PLG: variants seen among roughly 807,000 people sequenced by gnomAD.
PLG encodes the protein plasmin.
A neutral mutation model predicts 104.4 loss-of-function variants in PLG; 41 were observed. The ratio of observed to expected loss-of-function variants is 0.39; its 90% CI spans 0.31 to 0.51. The LOEUF is 0.51. Ranked by LOEUF, PLG falls within the 20% of genes least tolerant of loss-of-function variation. PLG has a pLI of 0.76. For synonymous variants in PLG, 337 were observed against 357.1 expected (o/e 0.94, Z 0.63); for missense variants, 891 against 1,003.6 (o/e 0.89, Z 1.52).
At chr6:160,751,595 A>G (rs189716086) in intron 17 of PLG, among the ~76,000 whole-genome samples, 3 of 152,340 alleles carry the variant, frequency 2.0e-5, no homozygotes, top group East Asian at 1.9e-4. Context: ...AACCATCATC[A>G]TATTTCCAGA....
In PLG at chr6:160,714,825, T is replaced by C. The variant is rs1777703277; in HGVS notation, c.579T>C (p.Tyr193=). Residue 193 remains tyrosine (Y), a synonymous_variant, in exon 6 of 19, where the codon TAT becomes TAC. Transcript: ENST00000308192. ...GTATGCATTGCAGTGGAGAAAACTA[T>C]GACGGCAAAATTTCCAAGACCATGT... ...EECMHCSGEN[Y]DGKISKTMSG... is the part of the protein sequence containing the mutation. 6 of 1,613,876 alleles carry C rather than the reference T, an allele frequency of 3.7e-6. No homozygotes were observed. Among genetic ancestry groups the C allele is most frequent in the South Asian group, 2.2e-5 (2 of 91,070 alleles).
rs142086839 is a variant in PLG at position 160,722,435 on chromosome 6, A to G, written c.1124A>G (p.Gln375Arg). ...TAPPELTPVVQDCYHGDGQSY... is the reference protein window; with the variant it reads ...TAPPELTPVVRDCYHGDGQSY... ...CCACCTGAGCTAACCCCTGTGGTCC[A>G]GGACTGCTACCATGGTGATGGACAG... Residue 375 changes from glutamine to arginine, a missense_variant, in exon 10 of 19, where the codon CAG becomes CGG. This residue lies in a region of PLG where 854 missense variants were observed against 932.1 expected (regional missense o/e 0.92). Transcript: ENST00000308192. 12 of 1,612,876 alleles carry G rather than the reference A, an allele frequency of 7.4e-6. No individual in the cohort carries two copies. In the African/African-American group the frequency reaches 1.6e-4, roughly 22 times the overall value.
intron 7 of PLG, 71 bp from the exon 8 acceptor site, chr6:160,718,223 C>CT (rs1777773619): frequency 7.3e-7 from 1 of 1,368,080 alleles, no homozygotes; most frequent in Non-Finnish European, 1.0e-6. Flanking sequence ...CTGACTCCAG[C>CT]CTGGGCGACA....
intron 10 of PLG, among the ~76,000 whole-genome samples, chr6:160,727,275 G>A (rs1173749808): frequency 1.3e-5 from 2 of 149,514 alleles, no homozygotes; most frequent in East Asian, 1.9e-4. Context: ...AAGACAACAT[G>A]TGTATATAAT....
rs940477077 is a variant in PLG at position 160,753,690 on chromosome 6, G to C, written c.*629G>C. On this transcript the variant is annotated 3_prime_UTR_variant, in exon 19 of 19. Transcript: ENST00000308192. The surrounding 1 kb of genome is among the most constrained non-coding windows in gnomAD (Gnocchi z 5.4). ...GGATGTGTAACACAAGACCAACTGA[G>C]AGTCTGAATGTTATTCTGGGGCACA... 2.0e-5 allele frequency among the ~76,000 whole-genome samples: 3 copies of C among 152,158 alleles called. No homozygotes were observed. Among genetic ancestry groups the C allele is most frequent in the African/African-American group, 7.2e-5 (3 of 41,426 alleles).
chr6:160,733,543 T>TAGAA (rs3057040), intron 12 of PLG, among the ~76,000 whole-genome samples: 52,735 of 151,078 alleles, frequency 0.35, 10,520 homozygotes, highest in African/African-American at 0.54. Context: ...ATAATAATAA[T>TAGAA]AGAAAGGAAG....
chr6:160,747,776 C>T (rs145712146), intron 17 of PLG, among the ~76,000 whole-genome samples: 1 of 152,286 alleles, frequency 6.6e-6, no homozygotes, highest in African/African-American at 2.4e-5. Context: ...GGTCTGGGAG[C>T]ATTGAGGCCA....
In PLG at chr6:160,704,303, T is replaced by C. The variant is rs534452768; in HGVS notation, c.49+1950T>C. Among the ~76,000 whole-genome samples, 181 of 152,340 alleles carry C rather than the reference T, an allele frequency of 1.2e-3. 1 individual carries two copies. The highest frequency in any genetic ancestry group is 2.1e-3 in the Admixed American group (32 of 15,308). On this transcript the variant is annotated intron_variant, in intron 1 of 18. Coordinates refer to ENST00000308192, the MANE Select transcript of PLG (RefSeq NM_000301.5). ...TGTTTTGGGATATTTCCTAGGGACA[T>C]GAGCTGGGGAGGGGATCTCAGCAGC...
intron 9 of PLG, among the ~76,000 whole-genome samples, chr6:160,720,314 T>C (rs953273662): frequency 6.6e-6 from 1 of 152,012 alleles, no homozygotes; most frequent in African/African-American, 2.4e-5. Context: ...GATGTGTTTA[T>C]TATTAATTTC....
intron 2 of PLG, among the ~76,000 whole-genome samples, chr6:160,706,829 G>C (rs1777536966): frequency 6.6e-6 from 1 of 152,032 alleles, no homozygotes; most frequent in South Asian, 2.1e-4. Flanking sequence ...ATCAGTAAAT[G>C]TTTGTTGAGG....
chr6:160,748,986 C>G (rs1778349213), intron 17 of PLG, among the ~76,000 whole-genome samples: 1 of 152,222 alleles, frequency 6.6e-6, no homozygotes, highest in South Asian at 2.1e-4. Flanking sequence ...GGACCACACT[C>G]ATACCAAGAT....
chr6:160,704,257 G>A (rs978253529), intron 1 of PLG, among the ~76,000 whole-genome samples: 4 of 152,334 alleles, frequency 2.6e-5, no homozygotes, highest in African/African-American at 9.6e-5. Flanking sequence ...ATTTCAAACT[G>A]AAAAGAGAAA....
At chr6:160,708,441 T>C (rs1777572357) in intron 3 of PLG, 1 of 152,562 alleles carries the variant, frequency 6.6e-6, no homozygotes, top group Non-Finnish European at 1.5e-5. Flanking sequence ...TCAATAGAAA[T>C]TGCATGCCTT....
Position 160,752,315 on chromosome 6 carries a change from A to G in PLG, c.2271+55A>G. 7 of 1,533,408 alleles carry G rather than the reference A, an allele frequency of 4.6e-6. No individual in the cohort carries two copies. The highest frequency in any genetic ancestry group is 2.7e-6 in the Non-Finnish European group (3 of 1,107,114). 95.0% of individuals were successfully genotyped at this position (1,533,408 alleles called of 1,614,324 possible). ...TCTTGTGCTCTCTTGTCTCAGTCTCAGCCCCTCAGACTTCATTCCCCAGGT... is the reference window on the plus strand; with the variant it reads ...TCTTGTGCTCTCTTGTCTCAGTCTCGGCCCCTCAGACTTCATTCCCCAGGT... On this transcript the variant is annotated intron_variant, in intron 18 of 18. Transcript: ENST00000308192. This position sits in a 1 kb window ranked among gnomAD's most constrained non-coding sequence, Gnocchi z 4.7.
chr6:160,714,545 A>G (rs1054416054), intron 5 of PLG, among the ~76,000 whole-genome samples: 1 of 152,200 alleles, frequency 6.6e-6, no homozygotes, highest in African/African-American at 2.4e-5. Flanking sequence ...GGTCATGACT[A>G]CAATAGTTGA....
At chr6:160,721,251 T>C (rs185245957) in intron 9 of PLG, among the ~76,000 whole-genome samples, 2 of 152,328 alleles carry the variant, frequency 1.3e-5, no homozygotes, top group Admixed American at 6.5e-5. Flanking sequence ...TGGCTTTTTG[T>C]TCCCCCTTGG....
chr6:160,707,837 T>C (rs1224161201), intron 3 of PLG, 31 bp downstream of exon 3: 1 of 1,441,632 alleles, frequency 6.9e-7, no homozygotes, highest in Non-Finnish European at 9.8e-7. Flanking sequence ...CTCCTCCTAC[T>C]GTCCTCCCCA....
Position 160,736,897 on chromosome 6 carries a change from A to G in PLG, c.1692A>G (p.Ser564=). ...CACCTTGTGCCACAGCGGCCCCTTCATTTGATTGTGGGAAGCCTCAAGTGG... is the reference window on the plus strand; with the variant it reads ...CACCTTGTGCCACAGCGGCCCCTTCGTTTGATTGTGGGAAGCCTCAAGTGG... ...YCDVPQCAAP[S]FDCGKPQVEP... Residue 564 remains serine (S), a synonymous_variant, in exon 14 of 19, where the codon TCA becomes TCG. Coordinates refer to ENST00000308192, the MANE Select transcript of PLG (RefSeq NM_000301.5). The surrounding 1 kb of genome is among the most constrained non-coding windows in gnomAD (Gnocchi z 5.2). The G allele has an allele frequency of 6.2e-7, 1 of 1,613,882 alleles. No homozygotes were observed. The highest frequency in any genetic ancestry group is 8.5e-7 in the Non-Finnish European group (1 of 1,179,876).
rs750924392 is a variant in PLG, at chr6:160,734,022, G to C, written c.1615G>C (p.Gly539Arg). 1 of 1,609,652 alleles carries C rather than the reference G, an allele frequency of 6.2e-7. No individual in the cohort carries two copies. The highest frequency in any genetic ancestry group is 1.3e-5 in the African/African-American group (1 of 74,796). The change falls in exon 13 of 19, where the codon GGT becomes CGT. Residue 539 changes from glycine (G) to arginine (R), a missense_variant. This residue lies in a region of PLG where 854 missense variants were observed against 932.1 expected (regional missense o/e 0.92). Transcript: ENST00000308192. This position sits in a 1 kb window ranked among gnomAD's most constrained non-coding sequence, Gnocchi z 4.4. ...NYCRNPDGDV[G>R]GPWCYTTNPR... is the part of the protein sequence containing the mutation. Reference sequence around the variant, plus strand: ...CTGCCGTAACCCTGATGGTGATGTAGGTGGTCCCTGGTGCTACACGACAAA... The same window carrying C: ...CTGCCGTAACCCTGATGGTGATGTACGTGGTCCCTGGTGCTACACGACAAA...
Sources: gnomAD v4.1 joint callset for allele counts (sites outside exome capture counted in the v4.1 genomes callset) on GRCh38, gnomAD v4.1.1 for gene constraint, gnomAD v4.1.1 regional missense constraint, Gnocchi (gnomAD v3.1) non-coding constraint, MANE v1.5 for transcripts, NCBI Gene and HGNC (gene_info 2026-07-23, HGNC 2026-07-21) for gene names.